CCDC190: variants seen among roughly 807,000 people sequenced by gnomAD.
CCDC190 encodes coiled-coil domain-containing protein 190.
Under a neutral mutation model 13.1 loss-of-function variants are expected in CCDC190, and 10 were observed. The observed-to-expected ratio is 0.77, with a 90% CI of 0.47 to 1.30. The LOEUF is 1.30. Among genes scored for constraint, CCDC190 ranks in the 50% most tolerant of loss-of-function variants. The pLI is 0.00. For synonymous variants in CCDC190, 136 were observed against 127.2 expected (o/e 1.07, Z -0.47); for missense variants, 375 against 354.3 (o/e 1.06, Z -0.47).
rs149281536 is a variant in CCDC190 at position 162,854,150 on chromosome 1, T to C, written c.*615A>G. On this transcript the variant is annotated 3_prime_UTR_variant, in exon 4 of 4. Coordinates refer to ENST00000367912, the MANE Select transcript of CCDC190 (RefSeq NM_001394065.1). Reference sequence around the variant, plus strand: ...TTAAATCCTTTGATTCTAGAAGATATGAGAGGGAAAAGATTGTCCATTATT... The same window carrying C: ...TTAAATCCTTTGATTCTAGAAGATACGAGAGGGAAAAGATTGTCCATTATT... 4.9e-4 allele frequency: 422 copies of C among 860,134 alleles called. 1 individual carries two copies. The highest frequency in any genetic ancestry group is 5.5e-4 in the Non-Finnish European group (394 of 715,712). The allele number at this position is 860,134 out of a possible 1,614,324, so 53.3% of individuals were successfully genotyped here.
upstream of CCDC190, among the ~76,000 whole-genome samples, chr1:162,861,403 C>A (rs1332124084): frequency 6.6e-6 from 1 of 151,810 alleles, no homozygotes; most frequent in East Asian, 1.9e-4. Flanking sequence ...TGTTCTCAAT[C>A]TCTCTCTCTC....
rs1650213575 is a variant in CCDC190, at chr1:162,854,453, A to T, written c.*312T>A. The T allele has an allele frequency of 1.8e-6, 2 of 1,092,330 alleles. No homozygotes were observed. Among genetic ancestry groups the T allele is most frequent in the South Asian group, 6.6e-5 (2 of 30,264 alleles). The allele number at this position is 1,092,330 out of a possible 1,614,324, so 67.7% of individuals were successfully genotyped here. ...ACCATGAGAATCTCCTAGAGGAAAC[A>T]GGAAGTCCCTGAAAGCAAGACTGTT... On this transcript the variant is annotated 3_prime_UTR_variant, in exon 4 of 4. Transcript: ENST00000367912.
At chr1:162,856,903 G>C (rs1232324418) in intron 2 of CCDC190, among the ~76,000 whole-genome samples, 4 of 152,096 alleles carry the variant, frequency 2.6e-5, no homozygotes, top group African/African-American at 9.7e-5. Context: ...TATAAATTGA[G>C]GGATTTTGAG....
At position 162,854,317 on chromosome 1, in the gene CCDC190, C is replaced by T; in HGVS notation, c.*448G>A. 1 of 987,124 alleles carries T rather than the reference C, an allele frequency of 1.0e-6. No individual in the cohort carries two copies. Among genetic ancestry groups the T allele is most frequent in the Non-Finnish European group, 1.2e-6 (1 of 831,110 alleles). 61.1% of individuals were successfully genotyped at this position (987,124 alleles called of 1,614,324 possible). ...TGGGTGTGGTTAAAGAGCAGATTTTCTTTATAGACCATGTTACAGTACCTA... is the reference window on the plus strand; with the variant it reads ...TGGGTGTGGTTAAAGAGCAGATTTTTTTTATAGACCATGTTACAGTACCTA... On this transcript the variant is annotated 3_prime_UTR_variant, in exon 4 of 4. Coordinates refer to ENST00000367912, the MANE Select transcript of CCDC190 (RefSeq NM_001394065.1).
At position 162,853,241 on chromosome 1, in the gene CCDC190, G is replaced by C; in HGVS notation, c.*1524C>G. ...GTAGTGTGGTGTAATGAAAGAGCAT[G>C]AGCAAGGAAATTGAGTAGAAGAGAG... On this transcript the variant is annotated 3_prime_UTR_variant, in exon 4 of 4. Coordinates refer to ENST00000367912, the MANE Select transcript of CCDC190 (RefSeq NM_001394065.1). 8.6e-7 allele frequency: 1 copy of C among 1,159,218 alleles called. No individual in the cohort carries two copies. Among genetic ancestry groups the C allele is most frequent in the South Asian group, 1.7e-5 (1 of 59,008 alleles). The allele number at this position is 1,159,218 out of a possible 1,614,324, so 71.8% of individuals were successfully genotyped here. A position where few individuals can be genotyped will look rare whatever the true frequency, so the allele number is the denominator to read the frequency against.
rs1650198166 is a variant in CCDC190 at position 162,853,939 on chromosome 1, G to A, written c.*826C>T. ...TTATGATACTACTTATTTTTAGAGT[G>A]ATATTTGGGTCTGTTGGATGGGAAA... On this transcript the variant is annotated 3_prime_UTR_variant, in exon 4 of 4. Transcript: ENST00000367912. 6.6e-6 allele frequency among the ~76,000 whole-genome samples: 1 copy of A among 152,180 alleles called. No individual in the cohort carries two copies. Among genetic ancestry groups the A allele is most frequent in the Admixed American group, 6.5e-5 (1 of 15,270 alleles).
rs750622469 is a variant in CCDC190 at position 162,855,737 on chromosome 1, A to G, written c.206T>C (p.Phe69Ser). Residue 69 changes from phenylalanine to serine, a missense_variant, in exon 3 of 4, where the codon TTC (phenylalanine) becomes TCC (serine). Transcript: ENST00000367912. ...AAATCCATTCCCCAAATAAGAGGAG[A>G]ACTTTTTCTTCATGGTTTCTGCTTT... ...RLQQETMKKKFSSYLGNGFQK... is the reference protein window; with the variant it reads ...RLQQETMKKKSSSYLGNGFQK... 9.3e-6 allele frequency: 15 copies of G among 1,606,338 alleles called. No individual in the cohort carries two copies. Among genetic ancestry groups the G allele is most frequent in the Middle Eastern group, 3.3e-4 (2 of 6,076 alleles).
At position 162,854,408 on chromosome 1, in the gene CCDC190, C is replaced by T. The variant is rs1037036212; in HGVS notation, c.*357G>A. The T allele has an allele frequency of 1.9e-6, 2 of 1,043,774 alleles. No individual in the cohort carries two copies. The highest frequency in any genetic ancestry group is 2.3e-6 in the Non-Finnish European group (2 of 865,910). 64.7% of individuals were successfully genotyped at this position (1,043,774 alleles called of 1,614,324 possible). ...AACTAAAACAGAGAGAATAGCTATG[C>T]CGTTTTGCCAGCAGGTGGCACCATG... On this transcript the variant is annotated 3_prime_UTR_variant, in exon 4 of 4. Coordinates refer to ENST00000367912, the MANE Select transcript of CCDC190 (RefSeq NM_001394065.1).
chr1:162,862,744 C>G (rs1353808755), upstream of CCDC190, among the ~76,000 whole-genome samples: 1 of 152,188 alleles, frequency 6.6e-6, no homozygotes, highest in Admixed American at 6.5e-5. Flanking sequence ...TCTGCCTCCT[C>G]TATTCTCTCC....
chr1:162,865,347 A>G (rs1220493746), upstream of CCDC190, among the ~76,000 whole-genome samples: 1 of 152,132 alleles, frequency 6.6e-6, no homozygotes, highest in African/African-American at 2.4e-5. Flanking sequence ...AGAGAAAATT[A>G]GTAAGGCTAA....
chr1:162,866,718 G>T (rs927613570), intron 1 of CCDC190, among the ~76,000 whole-genome samples: 1 of 152,120 alleles, frequency 6.6e-6, no homozygotes, highest in African/African-American at 2.4e-5. Flanking sequence ...TAGTCAATAA[G>T]ATTGTGTAGT....
In CCDC190 at chr1:162,855,215, C is replaced by T. The variant is rs1210664155; in HGVS notation, c.456G>A (p.Glu152=). The change falls in exon 4 of 4, where the codon GAG becomes GAA. Residue 152 remains glutamate, a synonymous_variant. Transcript: ENST00000367912. ...AATCTTTCTCTTGGGCTTGTGGTTGCTCTTTTATGAAGCAGGCAGTTCTGT... is the reference window on the plus strand; with the variant it reads ...AATCTTTCTCTTGGGCTTGTGGTTGTTCTTTTATGAAGCAGGCAGTTCTGT... The part of the protein sequence containing the change: ...QNNRTACFIK[E]QPQAQEKDSV... The T allele has an allele frequency of 1.2e-6, 2 of 1,613,956 alleles. No homozygotes were observed. The highest frequency in any genetic ancestry group is 2.2e-5 in the East Asian group (1 of 44,880).
intron 3 of CCDC190, 96 bp downstream of exon 3, chr1:162,855,536 T>G (rs1650271079): frequency 6.5e-7 from 1 of 1,542,830 alleles, no homozygotes; most frequent in Admixed American, 2.0e-5. Context: ...ACTTAAGAAG[T>G]GGAACGGAGC....
chr1:162,857,855 C>G (rs1319066052), intron 2 of CCDC190, among the ~76,000 whole-genome samples: 1 of 152,206 alleles, frequency 6.6e-6, no homozygotes, highest in Non-Finnish European at 1.5e-5. Flanking sequence ...GCATTCCAGA[C>G]TCTACCTGAG....
rs2102257553 is a variant in CCDC190, at chr1:162,854,259, G to C, written c.*506C>G. 1 of 985,194 alleles carries C rather than the reference G, an allele frequency of 1.0e-6. No individual in the cohort carries two copies. The highest frequency in any genetic ancestry group is 1.1e-4 in the East Asian group (1 of 8,812). 61.0% of individuals were successfully genotyped at this position (985,194 alleles called of 1,614,324 possible). On this transcript the variant is annotated 3_prime_UTR_variant, in exon 4 of 4. Transcript: ENST00000367912. Reference sequence around the variant, plus strand: ...TAAAATGGAGCTATCTGTAAATAAAGGAAGGAAGGAAAGGGCTTCCAAAGA... The same window carrying C: ...TAAAATGGAGCTATCTGTAAATAAACGAAGGAAGGAAAGGGCTTCCAAAGA...
chr1:162,862,838 G>C (rs533440432), upstream of CCDC190, among the ~76,000 whole-genome samples: 4 of 152,254 alleles, frequency 2.6e-5, no homozygotes, highest in African/African-American at 4.8e-5. Context: ...CCACTCCAAG[G>C]GTTGGAGAAG....
chr1:162,867,059 A>G (rs1053591146), intron 1 of CCDC190, among the ~76,000 whole-genome samples: 1 of 152,082 alleles, frequency 6.6e-6, no homozygotes, highest in Non-Finnish European at 1.5e-5. Flanking sequence ...TATATAGCAG[A>G]AAAAAAGACC....
chr1:162,851,322 G>A lies in CCDC190; in HGVS notation c.*3443C>T, dbSNP rs972671954. 7.1e-6 allele frequency: 1 copy of A among 140,284 alleles called. No homozygotes were observed. The highest frequency in any genetic ancestry group is 2.3e-4 in the South Asian group (1 of 4,336). The allele number at this position is 140,284 out of a possible 1,614,324, so 8.7% of individuals were successfully genotyped here. A position where few individuals can be genotyped will look rare whatever the true frequency, so the allele number is the denominator to read the frequency against. ...TTTTTTTTTTTTTTTTTTTGCAGTG[G>A]TTGCTTGCTATTCTGGCTGTCATTG... is the stretch of plus-strand genomic sequence containing the variant. On this transcript the variant is annotated 3_prime_UTR_variant, in exon 4 of 4. Transcript: ENST00000367912.
chr1:162,868,740 G>A, exon 1 of CCDC190: 1 of 28,644 alleles, frequency 3.5e-5, no homozygotes, highest in Non-Finnish European at 1.6e-4. Context: ...GCATCTCCTA[G>A]CAGGCCATTC....
Sources: allele counts gnomAD v4.1 joint callset (sites outside exome capture counted in the v4.1 genomes callset), GRCh38; gene constraint gnomAD v4.1.1; transcripts MANE v1.5; gene names NCBI Gene and HGNC (gene_info 2026-07-23, HGNC 2026-07-21).